Variants in SLA observed in about 807,000 individuals in gnomAD.
The protein encoded by SLA is Src like adaptor, also known as src-like-adapter.
Under a neutral mutation model 30.3 loss-of-function variants are expected in SLA, and 16 were observed. The ratio of observed to expected loss-of-function variants is 0.53; its 90% CI spans 0.36 to 0.80. The LOEUF (loss-of-function observed/expected upper bound fraction) is 0.80. SLA is among the 30% of genes least tolerant of loss of function. SLA has a pLI of 0.01. For synonymous variants in SLA, 143 were observed against 137.8 expected (o/e 1.04, Z -0.26); for missense variants, 310 against 345.2 (o/e 0.90, Z 0.81).
At chr8:133,080,853 A>G (rs1393669327) in intron 1 of SLA, among the ~76,000 whole-genome samples, 1 of 152,204 alleles carries the variant, frequency 6.6e-6, no homozygotes, top group African/African-American at 2.4e-5. Flanking sequence ...CTTCAGGCCC[A>G]ACCCAGTGCT....
intron 8 of SLA, 92 bp from the exon 9 acceptor site, chr8:133,038,829 G>A: frequency 1.3e-6 from 1 of 778,452 alleles, no homozygotes; most frequent in Non-Finnish European, 2.1e-6. Context: ...GAGAACAGGA[G>A]GAAAAGAAAA....
chr8:133,051,594 C>T (rs894905215), intron 3 of SLA, among the ~76,000 whole-genome samples: 3 of 152,098 alleles, frequency 2.0e-5, no homozygotes, highest in Admixed American at 2.0e-4. Flanking sequence ...TAGTACTTTT[C>T]CTAATAGTGT....
Position 133,043,232 on chromosome 8 carries a change from C to T in SLA, c.484+1752G>A, listed in dbSNP as rs77330408. ...TGGTCAAGCAGCGGCAGTTAGATTT[C>T]GGTATTTTTGGCCTGGTAGCCTCAT... On this transcript the variant is annotated intron_variant, in intron 7 of 8. Transcript: ENST00000338087. Among the ~76,000 whole-genome samples the T allele has an allele frequency of 9.3e-3, 1,418 of 152,214 alleles. 11 individuals are homozygous for T. Among genetic ancestry groups the T allele is most frequent in the Admixed American group, 0.017 (267 of 15,300 alleles).
At chr8:133,097,196 C>G (rs967100123) in intron 1 of SLA, among the ~76,000 whole-genome samples, 4 of 152,196 alleles carry the variant, frequency 2.6e-5, no homozygotes, top group Non-Finnish European at 4.4e-5. Flanking sequence ...GGCAGTCTAA[C>G]CGGAATTTTA....
chr8:133,061,883 T>G (rs2131341745), intron 2 of SLA, among the ~76,000 whole-genome samples: 1 of 152,194 alleles, frequency 6.6e-6, no homozygotes. Context: ...AGGGAAGGGG[T>G]GGTGTGAGGT....
At chr8:133,091,694 TTG>T (rs1293806539) in intron 1 of SLA, among the ~76,000 whole-genome samples, 5 of 151,674 alleles carry the variant, frequency 3.3e-5, no homozygotes, top group African/African-American at 4.8e-5. Flanking sequence ...CTGTGTGTGT[TTG>T]TGTGTCCTTC....
intron 8 of SLA, 32 bp downstream of exon 8, chr8:133,039,966 C>CACAA: frequency 3.9e-6 from 6 of 1,530,058 alleles, no homozygotes; most frequent in Non-Finnish European, 5.3e-6. Flanking sequence ...CACACACACA[C>CACAA]ACACACACAC....
chr8:133,083,879 A>G (rs932305984), intron 1 of SLA, among the ~76,000 whole-genome samples: 3 of 151,870 alleles, frequency 2.0e-5, no homozygotes, highest in Non-Finnish European at 1.5e-5. Context: ...GTCCCTCTGC[A>G]CCCAGTGGTT....
intron 2 of SLA, among the ~76,000 whole-genome samples, chr8:133,061,991 T>C (rs1842430169): frequency 6.6e-6 from 1 of 152,228 alleles, no homozygotes; most frequent in Non-Finnish European, 1.5e-5. Context: ...TGTCACTTAC[T>C]GCTCAAGCTA....
At chr8:133,050,150 T>G in intron 4 of SLA, 162 bp from the exon 5 acceptor site, 1 of 645,446 alleles carries the variant, frequency 1.5e-6, no homozygotes. Flanking sequence ...CTGAAAATTT[T>G]CTTTTTAAAG....
At position 133,038,660 on chromosome 8, in the gene SLA, C is replaced by T; in HGVS notation, c.695G>A (p.Ser232Asn). The T allele has an allele frequency of 1.2e-6, 2 of 1,613,880 alleles. No individual in the cohort carries two copies. Among genetic ancestry groups the T allele is most frequent in the Non-Finnish European group, 1.7e-6 (2 of 1,179,836 alleles). ...ESLFSYGLRE[S>N]IASYLSLTSE... is the part of the protein sequence containing the mutation. ...GGTCAGGGACAGGTAAGAGGCAATG[C>T]TCTCTCGAAGGCCATAGCTGAAAAG... The change falls in exon 9 of 9, where the codon AGC (serine) becomes AAC (asparagine). Residue 232 changes from serine to asparagine, a missense_variant. Physicochemically the swap from Ser to Asn is conservative, Grantham distance 46 (BLOSUM62 1). Coordinates refer to ENST00000338087, the MANE Select transcript of SLA (RefSeq NM_001045556.3).
intron 2 of SLA, among the ~76,000 whole-genome samples, chr8:133,070,081 G>T (rs188287221): frequency 6.6e-6 from 1 of 151,776 alleles, no homozygotes; most frequent in Non-Finnish European, 1.5e-5. Context: ...AAACAATGTG[G>T]GCCTAGGAGA....
intron 2 of SLA, among the ~76,000 whole-genome samples, chr8:133,072,249 A>G (rs1587992469): frequency 6.6e-6 from 1 of 152,274 alleles, no homozygotes; most frequent in East Asian, 1.9e-4. Context: ...CCAACCCCTA[A>G]AATTGCTGTC....
At chr8:133,060,506 G>T in intron 2 of SLA, 1 of 720,076 alleles carries the variant, frequency 1.4e-6, no homozygotes, top group Non-Finnish European at 2.1e-6. Flanking sequence ...GGGTTTGTGT[G>T]AGAAACCAAG....
At chr8:133,040,943 T>C (rs1332111948) in intron 7 of SLA, among the ~76,000 whole-genome samples, 5 of 152,244 alleles carry the variant, frequency 3.3e-5, no homozygotes, top group African/African-American at 1.2e-4. Flanking sequence ...AAAATCTCTG[T>C]ATAAAATGTC....
chr8:133,047,065 T>G (rs2131175483), intron 6 of SLA: 1 of 152,274 alleles, frequency 6.6e-6, no homozygotes, highest in South Asian at 2.1e-4. Context: ...GGGATAAACA[T>G]GGTACTCTCC....
chr8:133,082,767 T>A (rs1845949176), intron 1 of SLA, among the ~76,000 whole-genome samples: 1 of 152,250 alleles, frequency 6.6e-6, no homozygotes, highest in Non-Finnish European at 1.5e-5. Context: ...TGACTTTTAT[T>A]ACAGTTTCCT....
intron 1 of SLA, among the ~76,000 whole-genome samples, chr8:133,090,532 C>T (rs1024148070): frequency 2.0e-5 from 3 of 152,242 alleles, no homozygotes; most frequent in Non-Finnish European, 2.9e-5. Flanking sequence ...CCAAGTCAGA[C>T]AGCGCAAGGG....
intron 1 of SLA, among the ~76,000 whole-genome samples, chr8:133,100,559 A>G (rs1229427965): frequency 6.6e-6 from 1 of 152,204 alleles, no homozygotes; most frequent in Non-Finnish European, 1.5e-5. Context: ...GAAATAATTC[A>G]CCCTCACAAC....
Sources: allele counts gnomAD v4.1 joint callset (sites outside exome capture counted in the v4.1 genomes callset), GRCh38; gene constraint gnomAD v4.1.1; transcripts MANE v1.5; gene names NCBI Gene and HGNC (gene_info 2026-07-23, HGNC 2026-07-21).